NPAS3: variants seen among roughly 807,000 people sequenced by gnomAD.
The protein encoded by NPAS3 is neuronal PAS domain protein 3, also known as neuronal PAS domain-containing protein 3.
In NPAS3, 14 loss-of-function variants were observed where a neutral mutation model predicts 73.1. The observed-to-expected ratio is 0.19, with a 90% confidence interval of 0.13 to 0.30. The LOEUF is 0.30. NPAS3 is among the 10% of genes least tolerant of loss of function. The pLI, the probability that NPAS3 is intolerant of heterozygous loss-of-function variation, is 1.00. For missense variants in NPAS3, 1,096 were observed against 1,250.0 expected (o/e 0.88, Z 1.86); for synonymous variants, 620 against 541.5 (o/e 1.14, Z -2.01).
chr14:33,478,684 A>T (rs1026265336), intron 4 of NPAS3, among the ~76,000 whole-genome samples: 1 of 152,186 alleles, frequency 6.6e-6, no homozygotes, highest in Non-Finnish European at 1.5e-5. Context: ...CAAAACAGGG[A>T]CTACTATTAA....
At position 33,576,504 on chromosome 14, in the gene NPAS3, A is replaced by G. The variant is rs114765935; in HGVS notation, c.558+16294A>G. ...AACAGACTGGAGGGCACAAACCTAA[A>G]TGAAAGCTATACTACCCTGAATCAT... On this transcript the variant is annotated intron_variant, in intron 5 of 11. Coordinates refer to ENST00000356141, the Ensembl canonical transcript of NPAS3. Among the ~76,000 whole-genome samples, 1,184 of 152,294 alleles carry G rather than the reference A, an allele frequency of 7.8e-3. 21 individuals are homozygous for G. Among genetic ancestry groups the G allele is most frequent in the African/African-American group, 0.027 (1,120 of 41,558 alleles).
chr14:33,092,892 G>T (rs1402942382), intron 2 of NPAS3, among the ~76,000 whole-genome samples: 1 of 152,200 alleles, frequency 6.6e-6, no homozygotes, highest in Non-Finnish European at 1.5e-5. Context: ...TTAATAAATG[G>T]TGCTGGGAAA....
chr14:33,801,210 C>T, downstream of NPAS3: 1 of 1,497,796 alleles, frequency 6.7e-7, no homozygotes, highest in African/African-American at 1.4e-5. Flanking sequence ...TCGAGCAGGT[C>T]AGCGTCTTCT....
intron 11 of NPAS3, among the ~76,000 whole-genome samples, chr14:33,799,314 A>G (rs2063610065): frequency 6.6e-6 from 1 of 152,090 alleles, no homozygotes; most frequent in African/African-American, 2.4e-5. Flanking sequence ...GCATGCCATC[A>G]TTTTTCTGTG....
chr14:33,199,338 A>G (rs1300221704), intron 2 of NPAS3, among the ~76,000 whole-genome samples: 1 of 152,194 alleles, frequency 6.6e-6, no homozygotes, highest in East Asian at 1.9e-4. Context: ...TTACGCATAG[A>G]CACACAGATC....
intron 5 of NPAS3, among the ~76,000 whole-genome samples, chr14:33,596,944 T>C (rs1394867101): frequency 1.3e-5 from 2 of 152,194 alleles, no homozygotes; most frequent in East Asian, 1.9e-4. Context: ...ATCTAGATTT[T>C]ATTTATCCAG....
intron 3 of NPAS3, among the ~76,000 whole-genome samples, chr14:33,277,530 G>T (rs992133898): frequency 6.6e-6 from 1 of 152,062 alleles, no homozygotes; most frequent in Non-Finnish European, 1.5e-5. Flanking sequence ...AATATAAGGG[G>T]CTAGGTAAAA....
chr14:33,108,016 C>T (rs1401680088), intron 2 of NPAS3, among the ~76,000 whole-genome samples: 1 of 152,112 alleles, frequency 6.6e-6, no homozygotes, highest in East Asian at 1.9e-4. Context: ...GTCCTCCTCG[C>T]AGAACTAGAG....
In NPAS3 at chr14:33,800,613, G is replaced by A. The variant is rs759209493; in HGVS notation, c.2306G>A (p.Gly769Glu). 2.7e-5 allele frequency: 36 copies of A among 1,339,246 alleles called. No individual in the cohort carries two copies. The highest frequency in any genetic ancestry group is 4.3e-5 in the South Asian group (2 of 47,040). The allele number at this position is 1,339,246 out of a possible 1,614,324, so 83.0% of individuals were successfully genotyped here. The change falls in exon 12 of 12, where the codon GGG becomes GAG. Residue 769 changes from glycine to glutamate, a missense_variant. Physicochemically the swap from Gly to Glu is moderately conservative, Grantham distance 98. Around this residue, in one of 5 missense-constraint regions of NPAS3, gnomAD observed 698 missense variants for 676.7 expected, o/e 1.03. Transcript: ENST00000356141. The surrounding 1 kb of genome is among the most constrained non-coding windows in gnomAD (Gnocchi z 6.5). ...GGGAACGGCGGCGGGGGCGGGGGCG[G>A]GGGCGGCGGCGCGGGGGGCGGCGGC...
chr14:33,369,665 A>AACTTTTG, intron 4 of NPAS3, among the ~76,000 whole-genome samples: 1 of 152,212 alleles, frequency 6.6e-6, no homozygotes, highest in South Asian at 2.1e-4. Context: ...CAGAAACTAG[A>AACTTTTG]ACTTTTGGTA....
chr14:33,615,093 G>A, intron 5 of NPAS3, among the ~76,000 whole-genome samples: 1 of 152,108 alleles, frequency 6.6e-6, no homozygotes, highest in Non-Finnish European at 1.5e-5. Context: ...GGTGGCATCG[G>A]TACAAAGATG....
At chr14:33,439,802 A>G (rs12147692) in intron 4 of NPAS3, among the ~76,000 whole-genome samples, 61,475 of 151,952 alleles carry the variant, frequency 0.4, 14,061 homozygotes, top group African/African-American at 0.63. Context: ...TTTGTTACTC[A>G]TTTGGAAGGA....
chr14:33,399,726 G>A (rs1444057747), intron 4 of NPAS3, among the ~76,000 whole-genome samples: 13 of 150,748 alleles, frequency 8.6e-5, no homozygotes, highest in African/African-American at 2.2e-4. Context: ...TTATTTTTAC[G>A]TATTGTGATT....
intron 6 of NPAS3, among the ~76,000 whole-genome samples, chr14:33,705,826 A>T (rs1181622442): frequency 6.6e-6 from 1 of 152,268 alleles, no homozygotes; most frequent in African/African-American, 2.4e-5. Flanking sequence ...TTCTATTTTC[A>T]TAAGGAAACT....
intron 3 of NPAS3, among the ~76,000 whole-genome samples, chr14:33,350,658 C>T (rs919040184): frequency 2.0e-5 from 3 of 152,340 alleles, no homozygotes; most frequent in Non-Finnish European, 2.9e-5. Context: ...GAAACGGATT[C>T]GTGATACCTG....
chr14:33,625,635 A>G (rs2058198484), intron 5 of NPAS3, among the ~76,000 whole-genome samples: 1 of 152,200 alleles, frequency 6.6e-6, no homozygotes, highest in Admixed American at 6.5e-5. Context: ...AAGATGAAAT[A>G]AGCGGTTAGA....
upstream of NPAS3, chr14:32,939,298 G>A (rs922049728): frequency 2.7e-6 from 2 of 731,094 alleles, no homozygotes; most frequent in East Asian, 3.3e-5. Context: ...AGTAAGAGAG[G>A]AAAAAAAATA....
intron 5 of NPAS3, among the ~76,000 whole-genome samples, chr14:33,653,987 C>T (rs2059073086): frequency 6.6e-6 from 1 of 152,140 alleles, no homozygotes; most frequent in Admixed American, 6.6e-5. Flanking sequence ...CCACCTTGAA[C>T]TGGGATGTAG....
rs141171605 is a variant in NPAS3 at position 33,424,866 on chromosome 14, T to C, written c.468+57598T>C. ...GGGGATTAGTGAACAGATACAGGTATGGGCACCATCTGTAAACAGATGGAA... is the reference window on the plus strand; with the variant it reads ...GGGGATTAGTGAACAGATACAGGTACGGGCACCATCTGTAAACAGATGGAA... On this transcript the variant is annotated intron_variant, in intron 4 of 11. Transcript: ENST00000356141. 3.3e-3 allele frequency among the ~76,000 whole-genome samples: 499 copies of C among 152,024 alleles called. 1 individual carries two copies. The highest frequency in any genetic ancestry group is 0.012 in the South Asian group (57 of 4,820).
Sources: allele counts gnomAD v4.1 joint callset (sites outside exome capture counted in the v4.1 genomes callset), GRCh38; gene constraint gnomAD v4.1.1; regional missense constraint gnomAD v4.1.1; non-coding constraint Gnocchi (gnomAD v3.1); transcripts MANE v1.5; gene names NCBI Gene and HGNC (gene_info 2026-07-23, HGNC 2026-07-21).